Variants in LRRC7 observed in about 807,000 individuals in gnomAD.
LRRC7 encodes the protein leucine-rich repeat-containing protein 7.
Under a neutral mutation model 175.7 loss-of-function variants are expected in LRRC7, and 23 were observed. That is an observed-to-expected ratio of 0.13 (90% CI 0.09 to 0.19). The LOEUF (loss-of-function observed/expected upper bound fraction) is 0.19. Ranked by LOEUF, LRRC7 falls within the 10% of genes least tolerant of loss-of-function variation. The probability of loss-of-function intolerance (pLI) is 1.00; values close to 1 mark genes in which losing one functional copy is unlikely to be tolerated. For synonymous variants in LRRC7, 685 were observed against 680.9 expected (o/e 1.01, Z -0.09); for missense variants, 1,354 against 1,904.7 (o/e 0.71, Z 5.38).
At chr1:69,575,705 G>A (rs1052356722) in intron 1 of LRRC7, among the ~76,000 whole-genome samples, 15 of 152,132 alleles carry the variant, frequency 9.9e-5, no homozygotes, top group African/African-American at 3.6e-4. Flanking sequence ...ATGAATGTTG[G>A]ATGATGAAGA....
chr1:69,885,296 C>T (rs1314059175), intron 7 of LRRC7, among the ~76,000 whole-genome samples: 1 of 144,406 alleles, frequency 6.9e-6, no homozygotes, highest in Non-Finnish European at 1.5e-5. Flanking sequence ...ATTTCAGCTC[C>T]TGTTATTGGT....
intron 1 of LRRC7, 52 bp from the exon 2 acceptor site, chr1:69,678,329 C>T (rs1660049937): frequency 7.8e-7 from 1 of 1,285,916 alleles, no homozygotes; most frequent in Non-Finnish European, 1.1e-6. Flanking sequence ...AACTTGTAAA[C>T]ATTTATCCAA....
intron 1 of LRRC7, among the ~76,000 whole-genome samples, chr1:69,574,828 T>C (rs1203516522): frequency 6.6e-6 from 1 of 152,084 alleles, no homozygotes; most frequent in Non-Finnish European, 1.5e-5. Context: ...CTGATCAGTG[T>C]AATTCAAGAC....
intron 7 of LRRC7, among the ~76,000 whole-genome samples, chr1:69,888,610 G>A (rs1472989714): frequency 1.3e-5 from 2 of 152,134 alleles, no homozygotes; most frequent in Non-Finnish European, 2.9e-5. Context: ...GTATACCGGA[G>A]CTGTTCCTAT....
chr1:70,092,421 C>T (rs1269876196), intron 25 of LRRC7, among the ~76,000 whole-genome samples: 4 of 152,116 alleles, frequency 2.6e-5, no homozygotes, highest in Non-Finnish European at 5.9e-5. Flanking sequence ...CTCAGAAATA[C>T]ACTATATTAT....
chr1:69,677,441 G>A (rs12118129), intron 1 of LRRC7, among the ~76,000 whole-genome samples: 31,608 of 151,442 alleles, frequency 0.21, 3,457 homozygotes, highest in South Asian at 0.29. Flanking sequence ...TCAGTAGTGG[G>A]ATTACTGGAT....
intron 3 of LRRC7, among the ~76,000 whole-genome samples, chr1:69,770,010 C>T (rs1332310665): frequency 3.3e-5 from 5 of 152,016 alleles, no homozygotes. Context: ...AGGACAGGAA[C>T]CAAGAGAGTT....
At chr1:69,982,203 T>A (rs917591216) in intron 9 of LRRC7, among the ~76,000 whole-genome samples, 11 of 152,252 alleles carry the variant, frequency 7.2e-5, no homozygotes, top group African/African-American at 2.4e-4. Flanking sequence ...TAATGCTGCC[T>A]AATTTGTCTG....
intron 11 of LRRC7, among the ~76,000 whole-genome samples, chr1:70,008,703 G>T (rs1656208653): frequency 6.6e-6 from 1 of 152,190 alleles, no homozygotes; most frequent in Non-Finnish European, 1.5e-5. Flanking sequence ...GAATTAGGGT[G>T]ACCAAGAGCA....
intron 23 of LRRC7, among the ~76,000 whole-genome samples, chr1:70,053,717 G>A (rs1030274051): frequency 6.6e-5 from 10 of 152,032 alleles, no homozygotes; most frequent in African/African-American, 2.2e-4. Flanking sequence ...GGAGTAAAAA[G>A]AAAGCCACAA....
At chr1:69,968,580 C>T (rs898639880) in intron 8 of LRRC7, among the ~76,000 whole-genome samples, 2 of 152,116 alleles carry the variant, frequency 1.3e-5, no homozygotes, top group African/African-American at 4.8e-5. Flanking sequence ...TAAAGGAAAA[C>T]TCATCAGATT....
chr1:69,612,357 G>A (rs1254033426), intron 1 of LRRC7, among the ~76,000 whole-genome samples: 6 of 151,576 alleles, frequency 4.0e-5, no homozygotes, highest in Admixed American at 1.3e-4. Context: ...ATTTCATTTC[G>A]CTAGACTTAG....
chr1:69,729,221 A>T (rs1667297526), intron 2 of LRRC7, among the ~76,000 whole-genome samples: 1 of 152,142 alleles, frequency 6.6e-6, no homozygotes, highest in African/African-American at 2.4e-5. Context: ...AAACCATATC[A>T]TTCTACCCTG....
At position 69,868,226 on chromosome 1, in the gene LRRC7, A is replaced by G. The variant is rs551149251; in HGVS notation, c.647+29943A>G. Among the ~76,000 whole-genome samples, 7 of 152,280 alleles carry G rather than the reference A, an allele frequency of 4.6e-5. No individual in the cohort carries two copies. The South Asian group carries it at 1.2e-3, about 27-fold the overall frequency. The stretch of plus-strand genomic sequence containing the variant: ...CAAATTTAAAAATGCAAAATTTTGT[A>G]CAATAAAATTTCTATTATTTAAATA... On this transcript the variant is annotated intron_variant, in intron 7 of 26. Transcript: ENST00000651989.
chr1:70,116,021 AT>A (rs1306283158), intron 26 of LRRC7, among the ~76,000 whole-genome samples: 1 of 152,214 alleles, frequency 6.6e-6, no homozygotes, highest in African/African-American at 2.4e-5. Flanking sequence ...AAGGTAGGAA[AT>A]TTATTTGTTG....
At chr1:69,836,229 T>C (rs557094317) in intron 6 of LRRC7, among the ~76,000 whole-genome samples, 1 of 152,102 alleles carries the variant, frequency 6.6e-6, no homozygotes, top group East Asian at 1.9e-4. Context: ...CAGATTCCCT[T>C]ACTTTTGCAG....
intron 7 of LRRC7, among the ~76,000 whole-genome samples, chr1:69,858,881 T>G (rs760413678): frequency 6.6e-6 from 1 of 152,116 alleles, no homozygotes; most frequent in Non-Finnish European, 1.5e-5. Context: ...GAATCTTGTC[T>G]CTAGAGACAA....
intron 8 of LRRC7, among the ~76,000 whole-genome samples, chr1:69,956,018 G>C (rs1169340956): frequency 6.6e-6 from 1 of 151,876 alleles, no homozygotes; most frequent in Non-Finnish European, 1.5e-5. Flanking sequence ...TATTGATGTA[G>C]TTCACATGGT....
intron 1 of LRRC7, among the ~76,000 whole-genome samples, chr1:69,665,144 A>G (rs116101522): frequency 6.6e-6 from 1 of 152,078 alleles, no homozygotes; most frequent in Non-Finnish European, 1.5e-5. Flanking sequence ...TGGGTTCTCC[A>G]TTCTGTTACA....
Sources: gnomAD v4.1 joint callset for allele counts (sites outside exome capture counted in the v4.1 genomes callset) on GRCh38, gnomAD v4.1.1 for gene constraint, MANE v1.5 for transcripts, NCBI Gene and HGNC (gene_info 2026-07-23, HGNC 2026-07-21) for gene names.